The following AVEN variants were observed in gnomAD, a reference collection of about 807,000 sequenced individuals.
AVEN encodes cell death regulator Aven.
AVEN carries 41 observed loss-of-function variants against 38.1 expected under a neutral mutation model. The observed-to-expected ratio is 1.08, with a 90% CI of 0.84 to 1.40. The LOEUF (loss-of-function observed/expected upper bound fraction) is 1.40, where lower values mean the gene tolerates loss of function less well. Ranked by LOEUF, AVEN falls within the 40% of genes most tolerant of loss-of-function variation. The pLI, the probability that AVEN is intolerant of heterozygous loss-of-function variation, is 0.00. For synonymous variants in AVEN, 206 were observed against 171.8 expected, an observed-to-expected ratio of 1.20 and a Z score of -1.56; for missense variants, 605 against 438.8, an observed-to-expected ratio of 1.38 and a Z score of -3.38.
chr15:33,868,979 G>C (rs943819721), intron 4 of AVEN, among the ~76,000 whole-genome samples: 4 of 152,208 alleles, frequency 2.6e-5, no homozygotes, highest in African/African-American at 9.7e-5. Context: ...GAAGGCTCCA[G>C]GGATGAGCAA....
intron 2 of AVEN, among the ~76,000 whole-genome samples, chr15:33,944,663 G>C (rs1434869900): frequency 6.6e-6 from 1 of 152,060 alleles, no homozygotes; most frequent in Non-Finnish European, 1.5e-5. Flanking sequence ...CAAAAAATTA[G>C]CCGGGCGTGG....
At chr15:34,056,094 C>T (rs1169004657) in intron 5 of AVEN, among the ~76,000 whole-genome samples, 1 of 152,168 alleles carries the variant, frequency 6.6e-6, no homozygotes, top group Non-Finnish European at 1.5e-5. Context: ...GTTTTCACTA[C>T]ACTAACTTCC....
At chr15:33,865,416 G>T (rs949247238), downstream of AVEN, 2 of 530,166 alleles carry the variant, frequency 3.8e-6, no homozygotes, top group Admixed American at 3.5e-5. Flanking sequence ...ATACACTGTG[G>T]GAGAGAACCT....
chr15:33,865,348 A>C (rs1361123935), downstream of AVEN: 14 of 688,384 alleles, frequency 2.0e-5, no homozygotes, highest in Admixed American at 9.0e-5. Context: ...CTTAAAAAAA[A>C]AACTGCTGAA....
chr15:33,877,404 T>C (rs1567391289), intron 2 of AVEN, among the ~76,000 whole-genome samples: 2 of 152,180 alleles, frequency 1.3e-5, no homozygotes, highest in African/African-American at 2.4e-5. Context: ...GAAGAAACAA[T>C]GCTGTGTGTC....
chr15:34,012,209 T>C (rs1897665935), intron 1 of AVEN, among the ~76,000 whole-genome samples: 1 of 152,220 alleles, frequency 6.6e-6, no homozygotes, highest in South Asian at 2.1e-4. Flanking sequence ...TAAAGACAAT[T>C]TGCTTCTTGA....
chr15:33,966,462 G>A (rs979044203), intron 2 of AVEN, among the ~76,000 whole-genome samples: 21 of 152,110 alleles, frequency 1.4e-4, no homozygotes, highest in Non-Finnish European at 1.3e-4. Flanking sequence ...ATAACATGAC[G>A]TATGACAAGA....
chr15:34,010,977 G>C (rs951961358), intron 1 of AVEN, among the ~76,000 whole-genome samples: 1 of 151,994 alleles, frequency 6.6e-6, no homozygotes, highest in Non-Finnish European at 1.5e-5. Context: ...TTTAACAATA[G>C]AAAAACTCAT....
chr15:34,038,734 G>T, intron 1 of AVEN, 46 bp downstream of exon 1: 3 of 1,137,214 alleles, frequency 2.6e-6, no homozygotes, highest in African/African-American at 1.7e-5. Flanking sequence ...GGCCCCACTT[G>T]CCCCAGTTAC....
chr15:34,043,297 A>AGCCC (rs1899555093), upstream of AVEN, among the ~76,000 whole-genome samples: 1 of 152,074 alleles, frequency 6.6e-6, no homozygotes, highest in African/African-American at 2.4e-5. Flanking sequence ...GTTTGACGAA[A>AGCCC]AGTAGATGTT....
chr15:33,934,640 G>A (rs1159839660), intron 2 of AVEN, among the ~76,000 whole-genome samples: 1 of 152,190 alleles, frequency 6.6e-6, no homozygotes, highest in Non-Finnish European at 1.5e-5. Flanking sequence ...CTAAGTGGTA[G>A]ATGAGGACTA....
intron 2 of AVEN, among the ~76,000 whole-genome samples, chr15:33,988,208 G>C (rs1896560645): frequency 6.6e-6 from 1 of 152,232 alleles, no homozygotes; most frequent in African/African-American, 2.4e-5. Context: ...AACAAAAAAT[G>C]TGTATCTTAG....
intron 2 of AVEN, among the ~76,000 whole-genome samples, chr15:33,936,168 A>G (rs1205006502): frequency 6.6e-6 from 1 of 152,164 alleles, no homozygotes; most frequent in Non-Finnish European, 1.5e-5. Flanking sequence ...GGCCTCTATC[A>G]CTGCCTCTAT....
chr15:33,954,230 G>A (rs553558705), intron 2 of AVEN, among the ~76,000 whole-genome samples: 30 of 152,294 alleles, frequency 2.0e-4, no homozygotes, highest in South Asian at 6.2e-4. Flanking sequence ...CAACCATTGC[G>A]GAAGACAGTG....
At chr15:33,958,981 C>T (rs962087411) in intron 2 of AVEN, among the ~76,000 whole-genome samples, 1 of 152,178 alleles carries the variant, frequency 6.6e-6, no homozygotes, top group Non-Finnish European at 1.5e-5. Flanking sequence ...ATCCAGTCTC[C>T]TCTCAAGCCA....
At chr15:34,017,789 A>G (rs919911729) in intron 1 of AVEN, among the ~76,000 whole-genome samples, 5 of 152,082 alleles carry the variant, frequency 3.3e-5, no homozygotes, top group African/African-American at 1.2e-4. Flanking sequence ...CAGTAAGCCT[A>G]AGGTTCTAAA....
intron 2 of AVEN, among the ~76,000 whole-genome samples, chr15:33,954,356 T>C (rs1894874174): frequency 6.6e-6 from 1 of 152,206 alleles, no homozygotes; most frequent in Admixed American, 6.5e-5. Flanking sequence ...TGCACACGTA[T>C]GTTTATTGTG....
At chr15:33,890,039 C>T (rs781225032) in intron 2 of AVEN, among the ~76,000 whole-genome samples, 24 of 152,190 alleles carry the variant, frequency 1.6e-4, no homozygotes, top group Admixed American at 1.2e-3. Flanking sequence ...GTTCCCTCTC[C>T]GACGTGCCAA....
At position 34,063,141 on chromosome 15, in the gene AVEN, C is replaced by A; in HGVS notation, n.1418G>T. On this transcript the variant is annotated non_coding_transcript_exon_variant, in exon 5 of 12. Transcript: ENST00000675287. This position sits in a 1 kb window ranked among gnomAD's most constrained non-coding sequence, Gnocchi z 4.1. ...AAGACCCTTGACATATCGGGCCAAG[C>A]GTACTCCGAAAAGGGCTGGCATCAT... 1 of 1,614,166 alleles carries A rather than the reference C, an allele frequency of 6.2e-7. No homozygotes were observed. Among genetic ancestry groups the A allele is most frequent in the Non-Finnish European group, 8.5e-7 (1 of 1,180,026 alleles).
Sources: gnomAD v4.1 joint callset for allele counts (sites outside exome capture counted in the v4.1 genomes callset) on GRCh38, gnomAD v4.1.1 for gene constraint, Gnocchi (gnomAD v3.1) non-coding constraint, MANE v1.5 for transcripts, NCBI Gene and HGNC (gene_info 2026-07-23, HGNC 2026-07-21) for gene names.